ANKRD30B: variants seen among roughly 807,000 people sequenced by gnomAD.
ANKRD30B encodes ankyrin repeat domain 30B, also known as ankyrin repeat domain-containing protein 30B.
A neutral mutation model predicts 202.2 loss-of-function variants in ANKRD30B; 144 were observed. That is an observed-to-expected ratio of 0.71 (90% CI 0.62 to 0.82). ANKRD30B has a LOEUF of 0.82. Among genes scored for constraint, ANKRD30B ranks in the 40% least tolerant of loss-of-function variants. ANKRD30B has a pLI of 0.00. For synonymous variants in ANKRD30B, 508 were observed against 561.3 expected, an observed-to-expected ratio of 0.91 and a Z score of 1.34; for missense variants, 1,487 against 1,669.1, an observed-to-expected ratio of 0.89 and a Z score of 1.90.
intron 3 of ANKRD30B, among the ~76,000 whole-genome samples, chr18:14,753,371 G>C (rs1913782276): frequency 6.6e-6 from 1 of 152,100 alleles, no homozygotes; most frequent in African/African-American, 2.4e-5. Context: ...CAGAAATCTG[G>C]ATTTCCTCTT....
the ANKRD30B span, among the ~76,000 whole-genome samples, chr18:14,885,675 A>T: frequency 3.3e-5 from 5 of 151,588 alleles, no homozygotes; most frequent in Non-Finnish European, 7.4e-5. Flanking sequence ...AGAAGAGCAA[A>T]CTCTATGAGA....
At chr18:14,876,838 C>T in the ANKRD30B span, among the ~76,000 whole-genome samples, 2 of 152,192 alleles carry the variant, frequency 1.3e-5, no homozygotes, top group East Asian at 1.9e-4. Context: ...TTTATGAATA[C>T]GAGCTTTGTT....
intron 8 of ANKRD30B, among the ~76,000 whole-genome samples, chr18:14,771,166 T>C (rs1468361932): frequency 1.3e-5 from 2 of 152,188 alleles, no homozygotes; most frequent in Non-Finnish European, 2.9e-5. Context: ...CAGAACTTCT[T>C]GGTTGGTCAT....
the ANKRD30B span, among the ~76,000 whole-genome samples, chr18:14,864,245 G>T: frequency 6.6e-6 from 1 of 151,912 alleles, no homozygotes; most frequent in East Asian, 1.9e-4. Flanking sequence ...TGAGTCAAAA[G>T]AATGGCTTGA....
chr18:14,866,108 C>T, the ANKRD30B span, among the ~76,000 whole-genome samples: 1 of 152,208 alleles, frequency 6.6e-6, no homozygotes, highest in Non-Finnish European at 1.5e-5. Flanking sequence ...TTTCTCTCAC[C>T]CAATCGGAAC....
chr18:14,800,062 C>T (rs1457304801), intron 22 of ANKRD30B, among the ~76,000 whole-genome samples: 1 of 151,478 alleles, frequency 6.6e-6, no homozygotes, highest in Non-Finnish European at 1.5e-5. Flanking sequence ...GAAACCCCAT[C>T]GCTACTAAAA....
chr18:14,798,674 C>T (rs1969093694), intron 20 of ANKRD30B, among the ~76,000 whole-genome samples: 1 of 152,106 alleles, frequency 6.6e-6, no homozygotes, highest in Non-Finnish European at 1.5e-5. Flanking sequence ...TATAGGCTCT[C>T]CACAAGGGTA....
At position 14,805,289 on chromosome 18, in the gene ANKRD30B, T is replaced by C. The variant is rs191154320; in HGVS notation, c.2284+1465T>C. 1.2e-4 allele frequency among the ~76,000 whole-genome samples: 18 copies of C among 151,118 alleles called. No individual in the cohort carries two copies. The East Asian group carries it at 2.9e-3, about 24-fold the overall frequency. On this transcript the variant is annotated intron_variant, in intron 24 of 43. Coordinates refer to ENST00000690538, the MANE Select transcript of ANKRD30B (RefSeq NM_001367607.2). ...TACTTAAATTGTTGTTATTCATAGG[T>C]ATTTTACTGATTTTAACCTAGAAAA...
At chr18:14,860,385 G>GGT in the ANKRD30B span, among the ~76,000 whole-genome samples, 41 of 111,290 alleles carry the variant, frequency 3.7e-4, no homozygotes, top group Admixed American at 5.7e-4. Flanking sequence ...TTCCCAGAGG[G>GGT]GGTGGCCGGG....
chr18:14,762,590 TC>T (rs1178171162), intron 6 of ANKRD30B, among the ~76,000 whole-genome samples: 1 of 152,194 alleles, frequency 6.6e-6, no homozygotes, highest in African/African-American at 2.4e-5. Context: ...TGTTGTTCTA[TC>T]TACTGGATAA....
chr18:14,796,672 G>A (rs1276240207), intron 18 of ANKRD30B, among the ~76,000 whole-genome samples: 3 of 152,106 alleles, frequency 2.0e-5, no homozygotes, highest in Admixed American at 6.5e-5. Context: ...CCTTGTCTTT[G>A]TTCCCAGGTG....
the ANKRD30B span, among the ~76,000 whole-genome samples, chr18:14,927,021 A>C: frequency 6.6e-6 from 1 of 152,036 alleles, no homozygotes; most frequent in African/African-American, 2.4e-5. Context: ...TAGTTGGTCT[A>C]ATTTTTGTTT....
At chr18:14,785,566 G>T (rs1309806990) in intron 14 of ANKRD30B, among the ~76,000 whole-genome samples, 5 of 152,058 alleles carry the variant, frequency 3.3e-5, no homozygotes, top group Non-Finnish European at 5.9e-5. Context: ...ATATTTCCTT[G>T]TGCAATCATA....
chr18:14,808,656 T>C lies in ANKRD30B; in HGVS notation c.2314-16T>C. ...ATACATTATATATTAATTTTTGTGT[T>C]TCCAAACCCATTTAGCCTACCTGTG... On this transcript the variant is annotated splice_polypyrimidine_tract_variant and intron_variant, in intron 25 of 43. Coordinates refer to ENST00000690538, the MANE Select transcript of ANKRD30B (RefSeq NM_001367607.2). 1.3e-6 allele frequency: 2 copies of C among 1,545,974 alleles called. No individual in the cohort carries two copies. The highest frequency in any genetic ancestry group is 1.7e-6 in the Non-Finnish European group (2 of 1,144,094).
chr18:14,877,664 G>C, the ANKRD30B span: 2 of 151,972 alleles, frequency 1.3e-5, no homozygotes, highest in African/African-American at 4.8e-5. Context: ...GAGGTGTCAG[G>C]TGACTGCCTG....
At chr18:14,836,686 G>T (rs1168430873) in intron 34 of ANKRD30B, among the ~76,000 whole-genome samples, 1 of 152,084 alleles carries the variant, frequency 6.6e-6, no homozygotes, top group East Asian at 1.9e-4. Flanking sequence ...TATCTTATAT[G>T]GTTTGGTCTC....
the ANKRD30B span, among the ~76,000 whole-genome samples, chr18:14,884,646 T>A: frequency 2.0e-5 from 3 of 151,954 alleles, no homozygotes; most frequent in Admixed American, 2.0e-4. Context: ...TGCAACCACA[T>A]GAAAACCAGG....
chr18:14,860,688 A>G, the ANKRD30B span, among the ~76,000 whole-genome samples: 1 of 150,108 alleles, frequency 6.7e-6, no homozygotes, highest in Non-Finnish European at 1.5e-5. Flanking sequence ...CTTCTTAAAG[A>G]AAAAAAAATG....
At chr18:14,904,830 G>C in the ANKRD30B span, among the ~76,000 whole-genome samples, 6 of 152,266 alleles carry the variant, frequency 3.9e-5, no homozygotes, top group South Asian at 6.2e-4. Context: ...TGTGTCAGAG[G>C]CTTTTGAATC....
Sources: allele counts gnomAD v4.1 joint callset (sites outside exome capture counted in the v4.1 genomes callset), GRCh38; gene constraint gnomAD v4.1.1; transcripts MANE v1.5; gene names NCBI Gene and HGNC (gene_info 2026-07-23, HGNC 2026-07-21).